The following GALNT18 variants were observed in gnomAD, a reference collection of about 807,000 sequenced individuals.
The protein encoded by GALNT18 is GalNAc-transferase 18.
GALNT18 carries 44 observed loss-of-function variants against 69.5 expected under a neutral mutation model. The observed-to-expected ratio is 0.63, with a 90% confidence interval of 0.50 to 0.81. The LOEUF (loss-of-function observed/expected upper bound fraction) is 0.81, where lower values mean the gene tolerates loss of function less well. GALNT18 is among the 40% of genes least tolerant of loss of function. GALNT18 has a pLI of 0.00. For synonymous variants in GALNT18, 364 were observed against 318.2 expected, an observed-to-expected ratio of 1.14 and a Z score of -1.53; for missense variants, 715 against 810.0, an observed-to-expected ratio of 0.88 and a Z score of 1.42.
intron 1 of GALNT18, among the ~76,000 whole-genome samples, chr11:11,607,771 G>C (rs4340043): frequency 0.95 from 144,632 of 152,186 alleles, 68,741 homozygotes; most frequent in East Asian, 1. Flanking sequence ...GGAAAAATCT[G>C]TCCTCAAGAA....
At chr11:11,530,748 C>T (rs11021906) in intron 1 of GALNT18, among the ~76,000 whole-genome samples, 1 of 152,106 alleles carries the variant, frequency 6.6e-6, no homozygotes, top group Non-Finnish European at 1.5e-5. Context: ...AGCTGTGCTG[C>T]TGGTTGGAGA....
chr11:11,585,956 C>T (rs73413642), intron 1 of GALNT18, among the ~76,000 whole-genome samples: 2,446 of 152,024 alleles, frequency 0.016, 71 homozygotes, highest in African/African-American at 0.055. Context: ...AGGGTAGAGC[C>T]CTCATGGGTG....
Position 11,372,540 on chromosome 11 carries a change from C to A in GALNT18, c.1067G>T (p.Gly356Val). 1 of 1,614,176 alleles carries A rather than the reference C, an allele frequency of 6.2e-7. No individual in the cohort carries two copies. Among genetic ancestry groups the A allele is most frequent in the East Asian group, 2.2e-5 (1 of 44,876 alleles). The change falls in exon 6 of 11, where the codon GGC (glycine) becomes GTC (valine). Residue 356 changes from glycine (G) to valine (V), a missense_variant. Transcript: ENST00000227756. This position sits in a 1 kb window ranked among gnomAD's most constrained non-coding sequence, Gnocchi z 4.9. ...CCTGATCCCAAGCTCCACATTCTCG[C>A]CCCCGTAGACTTCCATGCCTTCGTC... Reference protein sequence around the residue: ...LLDEGMEVYGGENVELGIRVW... With the variant: ...LLDEGMEVYGVENVELGIRVW...
At chr11:11,276,323 G>A (rs1285252348) in intron 10 of GALNT18, among the ~76,000 whole-genome samples, 1 of 147,474 alleles carries the variant, frequency 6.8e-6, no homozygotes, top group African/African-American at 2.4e-5. Context: ...TCATGATTTG[G>A]CTGTTTGTCT....
Position 11,337,804 on chromosome 11 carries a change from G to C in GALNT18, c.1278+3015C>G, listed in dbSNP as rs1034892530. The stretch of plus-strand genomic sequence containing the variant: ...GGGCAGTTCCCATAGTCCACGCAAC[G>C]TATGCAGACTTCAAAACAGGGAGTG... On this transcript the variant is annotated intron_variant, in intron 7 of 10. Coordinates refer to ENST00000227756, the MANE Select transcript of GALNT18 (RefSeq NM_198516.3). The surrounding 1 kb of genome is among the most constrained non-coding windows in gnomAD (Gnocchi z 4.9). Among the ~76,000 whole-genome samples the C allele has an allele frequency of 2.0e-5, 3 of 152,076 alleles. No homozygotes were observed. The highest frequency in any genetic ancestry group is 7.2e-5 in the African/African-American group (3 of 41,404).
Position 11,314,855 on chromosome 11 carries a change from G to A in GALNT18, c.1512+12231C>T, listed in dbSNP as rs1849724575. On this transcript the variant is annotated intron_variant, in intron 9 of 10. Transcript: ENST00000227756. This position sits in a 1 kb window ranked among gnomAD's most constrained non-coding sequence, Gnocchi z 5.2. ...CGTGGGAGCAGTTGCTCCTGGCTGTGACATAGTAAAACCTACAATCATGTT... is the reference window on the plus strand; with the variant it reads ...CGTGGGAGCAGTTGCTCCTGGCTGTAACATAGTAAAACCTACAATCATGTT... 6.6e-6 allele frequency among the ~76,000 whole-genome samples: 1 copy of A among 152,168 alleles called. No individual in the cohort carries two copies. Among genetic ancestry groups the A allele is most frequent in the Non-Finnish European group, 1.5e-5 (1 of 68,028 alleles).
chr11:11,582,195 G>C lies in GALNT18; in HGVS notation c.235+39164C>G, dbSNP rs1279533121. Among the ~76,000 whole-genome samples the C allele has an allele frequency of 6.6e-6, 1 of 152,184 alleles. No individual in the cohort carries two copies. The highest frequency in any genetic ancestry group is 1.5e-5 in the Non-Finnish European group (1 of 68,038). ...CCGAAAGAGGAAAGAGCAGGCAAAG[G>C]CTCTGAAGCAGGAACAAAGCTGATG... is the stretch of plus-strand genomic sequence containing the variant. On this transcript the variant is annotated intron_variant, in intron 1 of 10. Transcript: ENST00000227756. The surrounding 1 kb of genome is among the most constrained non-coding windows in gnomAD (Gnocchi z 5.0).
At position 11,415,290 on chromosome 11, in the gene GALNT18, TAA is replaced by T. The variant is rs1021533562; in HGVS notation, c.595+17329_595+17330del. On this transcript the variant is annotated intron_variant, in intron 3 of 10. Coordinates refer to ENST00000227756, the MANE Select transcript of GALNT18 (RefSeq NM_198516.3). The surrounding 1 kb of genome is among the most constrained non-coding windows in gnomAD (Gnocchi z 4.1). The stretch of plus-strand genomic sequence containing the variant: ...GGACTCAGATTAGTATTTGCTTGAA[TAA>T]CTCGGCGAAGTGAATATACACCACT... Among the ~76,000 whole-genome samples, 1 of 152,130 alleles carries T rather than the reference TAA, an allele frequency of 6.6e-6. No individual in the cohort carries two copies. The highest frequency in any genetic ancestry group is 2.4e-5 in the African/African-American group (1 of 41,428).
chr11:11,610,351 A>G (rs1859864031), intron 1 of GALNT18, among the ~76,000 whole-genome samples: 1 of 152,226 alleles, frequency 6.6e-6, no homozygotes, highest in Admixed American at 6.5e-5. Context: ...ACAGTCACTA[A>G]GCCTCAATTT....
In GALNT18 at chr11:11,511,841, C is replaced by T. The variant is rs1470937300; in HGVS notation, c.236-62905G>A. ...GGGCCCTCACCAGACCCGGACCACA[C>T]TGGTACCCTGATCTGGGACTTTCAG... is the stretch of plus-strand genomic sequence containing the variant. On this transcript the variant is annotated intron_variant, in intron 1 of 10. Transcript: ENST00000227756. The surrounding 1 kb of genome is among the most constrained non-coding windows in gnomAD (Gnocchi z 4.9). 2.0e-5 allele frequency among the ~76,000 whole-genome samples: 3 copies of T among 152,198 alleles called. No individual in the cohort carries two copies. The highest frequency in any genetic ancestry group is 2.9e-5 in the Non-Finnish European group (2 of 68,034).
Position 11,523,345 on chromosome 11 carries a change from T to C in GALNT18, c.236-74409A>G, listed in dbSNP as rs1857442942. The stretch of plus-strand genomic sequence containing the variant: ...GAGGACAATGTCACAGGTGAGGAAA[T>C]GGAGGCTCATGGAAGTTAAGTAGCT... On this transcript the variant is annotated intron_variant, in intron 1 of 10. Transcript: ENST00000227756. This position sits in a 1 kb window ranked among gnomAD's most constrained non-coding sequence, Gnocchi z 4.3. Among the ~76,000 whole-genome samples, 1 of 152,090 alleles carries C rather than the reference T, an allele frequency of 6.6e-6. No individual in the cohort carries two copies. The highest frequency in any genetic ancestry group is 2.1e-4 in the South Asian group (1 of 4,818).
chr11:11,537,859 T>G (rs4317980), intron 1 of GALNT18, among the ~76,000 whole-genome samples: 3 of 152,054 alleles, frequency 2.0e-5, no homozygotes, highest in Admixed American at 6.5e-5. Flanking sequence ...AAAAATCTGA[T>G]GGCTCTATTT....
Position 11,337,117 on chromosome 11 carries a change from G to A in GALNT18, c.1278+3702C>T, listed in dbSNP as rs554716881. ...CTTTTTGTAGATTCTGGCACCTACC[G>A]CTCAAAATCCTCTCTGAGGATGAGA... On this transcript the variant is annotated intron_variant, in intron 7 of 10. Transcript: ENST00000227756. This position sits in a 1 kb window ranked among gnomAD's most constrained non-coding sequence, Gnocchi z 4.9. 7.2e-5 allele frequency among the ~76,000 whole-genome samples: 11 copies of A among 152,204 alleles called. No homozygotes were observed. In the East Asian group the frequency reaches 1.4e-3, roughly 19 times the overall value.
chr11:11,278,239 T>G (rs1330959196), intron 10 of GALNT18, among the ~76,000 whole-genome samples: 2 of 151,792 alleles, frequency 1.3e-5, no homozygotes, highest in East Asian at 3.9e-4. Context: ...ACCTTTAATG[T>G]TAGACAGATC....
intron 3 of GALNT18, among the ~76,000 whole-genome samples, chr11:11,431,187 C>G (rs1051981837): frequency 3.3e-5 from 5 of 152,124 alleles, no homozygotes; most frequent in African/African-American, 1.2e-4. Context: ...AGGAGTTCAG[C>G]CTCTTGCTTG....
At chr11:11,354,937 T>A (rs138488762) in intron 6 of GALNT18, among the ~76,000 whole-genome samples, 50 of 152,254 alleles carry the variant, frequency 3.3e-4, no homozygotes, top group African/African-American at 1.1e-3. Context: ...CCTCTCCACA[T>A]CCAATACATC....
chr11:11,585,799 A>G (rs1304043068), intron 1 of GALNT18, among the ~76,000 whole-genome samples: 1 of 117,252 alleles, frequency 8.5e-6, no homozygotes, highest in Non-Finnish European at 1.7e-5. Flanking sequence ...TCTTCTCAAT[A>G]AGTTTTTTTT....
chr11:11,476,846 A>T (rs1347182898), intron 1 of GALNT18, among the ~76,000 whole-genome samples: 1 of 152,248 alleles, frequency 6.6e-6, no homozygotes. Context: ...CAGATGCCCA[A>T]GCAAGTTCTC....
chr11:11,382,498 T>G lies in GALNT18; in HGVS notation c.596-3234A>C, dbSNP rs1000049232. Among the ~76,000 whole-genome samples the G allele has an allele frequency of 1.3e-5, 2 of 152,214 alleles. No homozygotes were observed. Among genetic ancestry groups the G allele is most frequent in the African/African-American group, 4.8e-5 (2 of 41,454 alleles). ...CACACACATACCTGTTCACATATAATATCTCTCAGAACTTCTTAGCTCCAA... is the reference window on the plus strand; with the variant it reads ...CACACACATACCTGTTCACATATAAGATCTCTCAGAACTTCTTAGCTCCAA... On this transcript the variant is annotated intron_variant, in intron 3 of 10. Transcript: ENST00000227756. The surrounding 1 kb of genome is among the most constrained non-coding windows in gnomAD (Gnocchi z 4.3).
Sources: gnomAD v4.1 joint callset for allele counts (sites outside exome capture counted in the v4.1 genomes callset) on GRCh38, gnomAD v4.1.1 for gene constraint, Gnocchi (gnomAD v3.1) non-coding constraint, MANE v1.5 for transcripts, NCBI Gene and HGNC (gene_info 2026-07-23, HGNC 2026-07-21) for gene names.